Variants in PTPRD observed in about 807,000 individuals in gnomAD.
The protein encoded by PTPRD is receptor-type tyrosine-protein phosphatase delta.
A neutral mutation model predicts 214.5 loss-of-function variants in PTPRD; 34 were observed. The observed-to-expected ratio is 0.16, with a 90% CI of 0.12 to 0.21. The LOEUF (loss-of-function observed/expected upper bound fraction) is 0.21. Among genes scored for constraint, PTPRD ranks in the 10% least tolerant of loss-of-function variants. The pLI is 1.00. For missense variants in PTPRD, 2,545 were observed against 2,398.7 expected (o/e 1.06, Z -1.27); for synonymous variants, 1,128 against 845.7 (o/e 1.33, Z -5.79).
chr9:8,347,778 A>G (rs553239636), intron 39 of PTPRD, among the ~76,000 whole-genome samples: 1 of 152,300 alleles, frequency 6.6e-6, no homozygotes, highest in East Asian at 1.9e-4. Context: ...TTCTCTATGC[A>G]TACACAGAGG....
intron 2 of PTPRD, among the ~76,000 whole-genome samples, chr9:10,461,593 T>C (rs971017072): frequency 1.3e-5 from 2 of 151,704 alleles, no homozygotes; most frequent in Non-Finnish European, 2.9e-5. Flanking sequence ...GAAAAAAACA[T>C]GTTGCATGAT....
intron 3 of PTPRD, among the ~76,000 whole-genome samples, chr9:10,266,786 C>T (rs1923357): frequency 0.72 from 109,978 of 152,014 alleles, 40,924 homozygotes; most frequent in Non-Finnish European, 0.82. Context: ...TGTTGCAACC[C>T]ACCTAGGTTA....
chr9:8,439,713 G>A (rs1205847415), intron 34 of PTPRD, among the ~76,000 whole-genome samples: 2 of 151,926 alleles, frequency 1.3e-5, no homozygotes, highest in East Asian at 3.9e-4. Flanking sequence ...ACACAATTCT[G>A]CAGAAACATC....
At chr9:10,482,633 A>G (rs1363837070) in intron 2 of PTPRD, among the ~76,000 whole-genome samples, 1 of 152,178 alleles carries the variant, frequency 6.6e-6, no homozygotes, top group Non-Finnish European at 1.5e-5. Flanking sequence ...TTGCAAAATC[A>G]ATGTACATAA....
At chr9:8,562,770 A>G (rs1164745289) in intron 14 of PTPRD, among the ~76,000 whole-genome samples, 1 of 151,998 alleles carries the variant, frequency 6.6e-6, no homozygotes, top group South Asian at 2.1e-4. Context: ...TTTTAATGCA[A>G]TGTAGGTTAT....
At chr9:9,825,302 G>T (rs1183443888) in intron 5 of PTPRD, among the ~76,000 whole-genome samples, 6 of 150,964 alleles carry the variant, frequency 4.0e-5, no homozygotes, top group Non-Finnish European at 8.9e-5. Flanking sequence ...TACATTGGCA[G>T]GTAGGAAGAA....
intron 8 of PTPRD, among the ~76,000 whole-genome samples, chr9:9,433,008 A>G (rs72702602): frequency 0.065 from 9,908 of 152,196 alleles, 357 homozygotes; most frequent in Middle Eastern, 0.17. Flanking sequence ...GAGGGGTATA[A>G]TATGTGTGTG....
intron 9 of PTPRD, among the ~76,000 whole-genome samples, chr9:9,352,998 G>T (rs754506266): frequency 1.3e-5 from 2 of 151,818 alleles, no homozygotes; most frequent in Non-Finnish European, 2.9e-5. Flanking sequence ...TATCTTTATT[G>T]TTCTTATTTT....
chr9:9,627,232 G>T (rs2095450947), intron 7 of PTPRD, among the ~76,000 whole-genome samples: 1 of 152,176 alleles, frequency 6.6e-6, no homozygotes, highest in Admixed American at 6.5e-5. Flanking sequence ...GCTTGAATCT[G>T]AGAAGCAGAG....
chr9:8,404,428 C>G, intron 36 of PTPRD, 109 bp downstream of exon 36: 1 of 1,414,736 alleles, frequency 7.1e-7, no homozygotes, highest in Non-Finnish European at 9.5e-7. Context: ...CATGCACAGC[C>G]ATCTTAATTA....
At chr9:10,603,103 G>A (rs1279960964) in intron 2 of PTPRD, among the ~76,000 whole-genome samples, 2 of 151,826 alleles carry the variant, frequency 1.3e-5, no homozygotes, top group African/African-American at 4.8e-5. Context: ...GTAGAGGTTA[G>A]AGTGGTAGGA....
intron 7 of PTPRD, among the ~76,000 whole-genome samples, chr9:9,692,942 A>G (rs867577499): frequency 6.6e-6 from 1 of 152,222 alleles, no homozygotes; most frequent in Middle Eastern, 3.4e-3. Context: ...GTTGGCATAT[A>G]GAAATGATAC....
At chr9:8,912,021 T>C (rs952851127) in intron 11 of PTPRD, among the ~76,000 whole-genome samples, 5 of 152,134 alleles carry the variant, frequency 3.3e-5, no homozygotes. Context: ...CTGGTAAGGA[T>C]GTGGAGAGAG....
chr9:8,954,014 A>C (rs2099118002), intron 11 of PTPRD, among the ~76,000 whole-genome samples: 1 of 152,018 alleles, frequency 6.6e-6, no homozygotes, highest in Non-Finnish European at 1.5e-5. Flanking sequence ...AAGTAAAAGA[A>C]ATCATTCTAC....
chr9:8,547,423 G>A (rs1226242281), intron 14 of PTPRD, among the ~76,000 whole-genome samples: 1 of 152,076 alleles, frequency 6.6e-6, no homozygotes, highest in African/African-American at 2.4e-5. Context: ...TGGGCAGATT[G>A]CCTGATCTCA....
At chr9:10,366,473 G>A (rs752066486) in intron 2 of PTPRD, among the ~76,000 whole-genome samples, 1 of 152,142 alleles carries the variant, frequency 6.6e-6, no homozygotes, top group Non-Finnish European at 1.5e-5. Flanking sequence ...TGTGGAATGA[G>A]CACACTATAC....
intron 7 of PTPRD, among the ~76,000 whole-genome samples, chr9:9,711,471 C>A (rs1182692602): frequency 6.6e-6 from 1 of 151,924 alleles, no homozygotes; most frequent in Non-Finnish European, 1.5e-5. Context: ...CAAAAACAGG[C>A]TAAAATAAAA....
At position 10,105,441 on chromosome 9, in the gene PTPRD, T is replaced by C. The variant is rs534569954; in HGVS notation, c.-544-71651A>G. 3.9e-5 allele frequency among the ~76,000 whole-genome samples: 6 copies of C among 152,018 alleles called. No individual in the cohort carries two copies. In the East Asian group the frequency reaches 1.2e-3, roughly 30 times the overall value. ...TTATTTCTGCAGTGGCAGTGTTTTATGGCAAGTGCATGGGATTAGAAGGTA... is the reference window on the plus strand; with the variant it reads ...TTATTTCTGCAGTGGCAGTGTTTTACGGCAAGTGCATGGGATTAGAAGGTA... On this transcript the variant is annotated intron_variant, in intron 3 of 45. Transcript: ENST00000381196.
At chr9:9,075,795 T>C (rs892324968) in intron 10 of PTPRD, among the ~76,000 whole-genome samples, 3 of 152,232 alleles carry the variant, frequency 2.0e-5, no homozygotes, top group African/African-American at 7.2e-5. Context: ...CACATTTTCT[T>C]AATTCAGTCT....
Sources: gnomAD v4.1 joint callset for allele counts (sites outside exome capture counted in the v4.1 genomes callset) on GRCh38, gnomAD v4.1.1 for gene constraint, MANE v1.5 for transcripts, NCBI Gene and HGNC (gene_info 2026-07-23, HGNC 2026-07-21) for gene names.